ART1: variants seen among roughly 807,000 people sequenced by gnomAD.
The protein encoded by ART1 is ADP-ribosyltransferase 1, also known as GPI-linked NAD(P)(+)--arginine ADP-ribosyltransferase 1.
Under a neutral mutation model 27.0 loss-of-function variants are expected in ART1, and 29 were observed. That is an observed-to-expected ratio of 1.08 (90% CI 0.80 to 1.47). The LOEUF is 1.47. Among genes scored for constraint, ART1 ranks in the 40% most tolerant of loss-of-function variants. The pLI is 0.00. For missense variants in ART1, 480 were observed against 423.0 expected (o/e 1.13, Z -1.18); for synonymous variants, 201 against 172.2 (o/e 1.17, Z -1.31).
rs753925166 is a variant in ART1, at chr11:3,660,056, A to T, written c.537A>T (p.Arg179=). 2 of 1,613,536 alleles carry T rather than the reference A, an allele frequency of 1.2e-6. No homozygotes were observed. Among genetic ancestry groups the T allele is most frequent in the Admixed American group, 3.3e-5 (2 of 60,002 alleles). The change falls in exon 3 of 5, where the codon CGA becomes CGT. Residue 179 remains arginine (R), a synonymous_variant. Coordinates refer to ENST00000250693, the MANE Select transcript of ART1 (RefSeq NM_004314.3). ...QRPPRCHQVF[R]GVHGLRFRPA... is the part of the protein sequence containing the mutation. ...CACCCCGGTGCCACCAGGTGTTCCG[A>T]GGTGTGCACGGCCTGCGCTTCCGGC...
chr11:3,655,060 C>T (rs561565759), intron 1 of ART1, among the ~76,000 whole-genome samples: 31 of 152,314 alleles, frequency 2.0e-4, no homozygotes, highest in African/African-American at 5.1e-4. Flanking sequence ...TTTGGGTTGA[C>T]GGCAAGTGGC....
intron 4 of ART1, 24 bp from the exon 5 acceptor site, chr11:3,664,068 C>T (rs1211354089): frequency 6.2e-6 from 10 of 1,610,996 alleles, no homozygotes; most frequent in East Asian, 2.2e-5. Context: ...TCTCCCCCAA[C>T]CTCTCTGCCT....
chr11:3,656,392 T>TATTTTTC (rs1203167094), intron 1 of ART1, among the ~76,000 whole-genome samples: 2 of 151,590 alleles, frequency 1.3e-5, no homozygotes, highest in Non-Finnish European at 2.9e-5. Context: ...ATTTATTTTT[T>TATTTTTC]AAATTTTTGA....
intron 2 of ART1, 119 bp from the exon 3 acceptor site, chr11:3,659,464 C>G (rs1459675979): frequency 1.5e-6 from 2 of 1,378,632 alleles, no homozygotes; most frequent in Non-Finnish European, 2.0e-6. Context: ...AATCCCCTTC[C>G]CCACCAGGTG....
chr11:3,659,043 C>A, intron 1 of ART1, 119 bp from the exon 2 acceptor site: 1 of 641,266 alleles, frequency 1.6e-6, no homozygotes, highest in Non-Finnish European at 2.7e-6. Context: ...GAAGGGTCCT[C>A]TCTCTTCTGA....
At chr11:3,651,661 A>G (rs1234893491) in intron 1 of ART1, among the ~76,000 whole-genome samples, 1 of 151,514 alleles carries the variant, frequency 6.6e-6, no homozygotes, top group Non-Finnish European at 1.5e-5. Flanking sequence ...CATTTCTCAT[A>G]ACTTCTAAAA....
intron 1 of ART1, among the ~76,000 whole-genome samples, chr11:3,654,948 T>G (rs1442679422): frequency 6.6e-6 from 1 of 152,228 alleles, no homozygotes; most frequent in Non-Finnish European, 1.5e-5. Context: ...GGAGACACAA[T>G]GAGAGATACA....
At chr11:3,653,806 CT>C in intron 1 of ART1, among the ~76,000 whole-genome samples, 1 of 147,366 alleles carries the variant, frequency 6.8e-6, no homozygotes, top group East Asian at 2.0e-4. Context: ...TCTATCCTCA[CT>C]GCCATTCTCC....
chr11:3,652,918 C>A (rs554351247), intron 1 of ART1, among the ~76,000 whole-genome samples: 2 of 149,568 alleles, frequency 1.3e-5, no homozygotes, highest in African/African-American at 2.5e-5. Context: ...ATTCTTAGAC[C>A]TTTTATACCT....
At chr11:3,645,934 G>A (rs61878499) in intron 1 of ART1, among the ~76,000 whole-genome samples, 5,929 of 152,200 alleles carry the variant, frequency 0.039, 135 homozygotes, top group Non-Finnish European at 0.049. Flanking sequence ...CCGCACCTGC[G>A]ACGTTGTTCT....
At chr11:3,646,429 G>A (rs1179473218) in intron 1 of ART1, among the ~76,000 whole-genome samples, 2 of 152,170 alleles carry the variant, frequency 1.3e-5, no homozygotes, top group Non-Finnish European at 2.9e-5. Context: ...ACCATCATGG[G>A]TGACTGGGTG....
chr11:3,662,090 GTC>G (rs1198931973), intron 4 of ART1, among the ~76,000 whole-genome samples: 1 of 152,238 alleles, frequency 6.6e-6, no homozygotes, highest in Non-Finnish European at 1.5e-5. Context: ...AGAACCCACT[GTC>G]TCTGTTACTG....
Position 3,659,178 on chromosome 11 carries a change from C to A in ART1, c.-36C>A. ...ATTTTCCAGATGAGGAAACTGAGAC[C>A]CAAAAAGAGACAGCAACTGGCCCAG... On this transcript the variant is annotated 5_prime_UTR_variant, in exon 2 of 5. Transcript: ENST00000250693. 6.2e-7 allele frequency: 1 copy of A among 1,609,196 alleles called. No homozygotes were observed. Among genetic ancestry groups the A allele is most frequent in the Non-Finnish European group, 8.5e-7 (1 of 1,175,830 alleles).
intron 1 of ART1, among the ~76,000 whole-genome samples, chr11:3,653,363 T>A (rs1030583365): frequency 2.7e-5 from 4 of 148,426 alleles, no homozygotes; most frequent in African/African-American, 5.2e-5. Context: ...CTGCCTTAAC[T>A]GATGACATTG....
intron 3 of ART1, 29 bp downstream of exon 3, chr11:3,660,392 G>A: frequency 6.4e-7 from 1 of 1,574,494 alleles, no homozygotes; most frequent in African/African-American, 1.3e-5. Context: ...GTCGGCACCT[G>A]TGCGGAAGGT....
chr11:3,659,791 C>A lies in ART1; in HGVS notation c.272C>A (p.Ala91Asp). 6.2e-7 allele frequency: 1 copy of A among 1,612,974 alleles called. No individual in the cohort carries two copies. Residue 91 changes from alanine (A) to aspartate (D), a missense_variant, in exon 3 of 5, where the codon GCC becomes GAC. By Grantham distance (126) the Ala-to-Asp change is moderately radical. Transcript: ENST00000250693. ...LASSQWQERQ[A>D]RWPEWSLSPT... ...AGCAGCCAATGGCAGGAGCGTCAGG[C>A]CAGGTGGCCAGAGTGGAGTCTCAGC...
chr11:3,659,618 C>A lies in ART1; in HGVS notation c.99C>A (p.Phe33Leu), dbSNP rs1352014710. The A allele has an allele frequency of 1.2e-6, 2 of 1,611,744 alleles. No individual in the cohort carries two copies. Among genetic ancestry groups the A allele is most frequent in the African/African-American group, 2.7e-5 (2 of 75,058 alleles). ...QSHPITRRDL[F>L]SQEIQLDMAL... is the part of the protein sequence containing the mutation. ...ACCCCATCACACGACGAGACCTCTT[C>A]TCTCAAGAGATTCAGCTGGACATGG... The change falls in exon 3 of 5, where the codon TTC becomes TTA. Residue 33 changes from phenylalanine to leucine, a missense_variant. Transcript: ENST00000250693.
chr11:3,651,532 G>C (rs1225561107), intron 1 of ART1, among the ~76,000 whole-genome samples: 30 of 146,926 alleles, frequency 2.0e-4, no homozygotes, highest in African/African-American at 7.9e-4. Context: ...TAGCCTTTCT[G>C]TCCAAACAAC....
intron 1 of ART1, among the ~76,000 whole-genome samples, chr11:3,650,827 T>C (rs201707269): frequency 0.46 from 50,714 of 111,092 alleles, 13,331 homozygotes; most frequent in Admixed American, 0.65. Context: ...CCCACCTTAA[T>C]CCACAAGTAT....
Sources: allele counts gnomAD v4.1 joint callset (sites outside exome capture counted in the v4.1 genomes callset), GRCh38; gene constraint gnomAD v4.1.1; transcripts MANE v1.5; gene names NCBI Gene and HGNC (gene_info 2026-07-23, HGNC 2026-07-21).